Variants in PSMA3 observed in about 807,000 individuals in gnomAD.
PSMA3 encodes the protein proteasome 20S subunit alpha 3.
In PSMA3, 8 loss-of-function variants were observed where a neutral mutation model predicts 40.0. The ratio of observed to expected loss-of-function variants is 0.20; its 90% CI spans 0.12 to 0.36. The LOEUF (loss-of-function observed/expected upper bound fraction) is 0.36. Among genes scored for constraint, PSMA3 ranks in the 10% least tolerant of loss-of-function variants. The pLI, the probability that PSMA3 is intolerant of heterozygous loss-of-function variation, is 1.00. For synonymous variants in PSMA3, 110 were observed against 100.0 expected (o/e 1.10, Z -0.59); for missense variants, 219 against 310.6 (o/e 0.70, Z 2.22).
chr14:58,264,422 T>C (rs1219130624), intron 7 of PSMA3, among the ~76,000 whole-genome samples: 4 of 152,220 alleles, frequency 2.6e-5, no homozygotes, highest in Non-Finnish European at 5.9e-5. Context: ...GAAAAAGTTT[T>C]CTTAAAAACT....
At chr14:58,256,387 A>G (rs1890144905) in intron 3 of PSMA3, among the ~76,000 whole-genome samples, 1 of 152,092 alleles carries the variant, frequency 6.6e-6, no homozygotes, top group South Asian at 2.1e-4. Flanking sequence ...CTGAAAATTC[A>G]AAATCCAAAA....
At chr14:58,271,417 C>CCTCCAGGG (rs1797543227) in intron 10 of PSMA3, among the ~76,000 whole-genome samples, 1 of 146,936 alleles carries the variant, frequency 6.8e-6, no homozygotes, top group Admixed American at 7.0e-5. Flanking sequence ...GCAACCTCTG[C>CCTCCAGGG]CTCCAGGGTT....
chr14:58,258,100 G>A lies in PSMA3; in HGVS notation c.404+102G>A, dbSNP rs1397596195. On this transcript the variant is annotated intron_variant, in intron 5 of 10. Transcript: ENST00000216455. ...TTTACATACTTAAAAATAGAAACTCGTCGATAAGTATTAGGGCAATGATTA... is the reference window on the plus strand; with the variant it reads ...TTTACATACTTAAAAATAGAAACTCATCGATAAGTATTAGGGCAATGATTA... 1.1e-5 allele frequency: 6 copies of A among 542,098 alleles called. No homozygotes were observed. The African/African-American group carries it at 2.1e-4, about 19-fold the overall frequency. The allele number at this position is 542,098 out of a possible 1,614,324, so 33.6% of individuals were successfully genotyped here.
chr14:58,251,833 C>T (rs1890017843), intron 2 of PSMA3, among the ~76,000 whole-genome samples: 1 of 152,054 alleles, frequency 6.6e-6, no homozygotes. Flanking sequence ...TTATCATAAG[C>T]CAGACACTGA....
chr14:58,263,491 C>T (rs1890341461), intron 6 of PSMA3: 5 of 397,454 alleles, frequency 1.3e-5, no homozygotes, highest in South Asian at 1.0e-4. Context: ...TTGGATATAC[C>T]TTTATTAAAA....
intron 2 of PSMA3, among the ~76,000 whole-genome samples, chr14:58,248,838 T>G (rs1314528658): frequency 6.6e-6 from 1 of 151,858 alleles, no homozygotes; most frequent in Non-Finnish European, 1.5e-5. Context: ...ATGGCACACG[T>G]CGTAGTTTCA....
intron 3 of PSMA3, among the ~76,000 whole-genome samples, chr14:58,255,381 A>C (rs1039742619): frequency 6.6e-6 from 1 of 152,166 alleles, no homozygotes; most frequent in Non-Finnish European, 1.5e-5. Flanking sequence ...CTAACAGCCA[A>C]GCTTCTCAAA....
chr14:58,257,904 C>T (rs762791926), intron 4 of PSMA3, 21 bp from the exon 5 acceptor site: 4 of 1,612,524 alleles, frequency 2.5e-6, no homozygotes, highest in South Asian at 1.1e-5. Flanking sequence ...TATTAATAAG[C>T]TCTTCTGCTT....
chr14:58,259,886 G>A (rs1333688719), intron 5 of PSMA3, among the ~76,000 whole-genome samples: 2 of 152,116 alleles, frequency 1.3e-5, no homozygotes, highest in Admixed American at 1.3e-4. Context: ...ACTGATGTAG[G>A]AAGGGGTCCA....
At chr14:58,270,369 T>A (rs1177891458) in intron 8 of PSMA3, 49 bp from the exon 9 acceptor site, 1 of 1,607,364 alleles carries the variant, frequency 6.2e-7, no homozygotes, top group African/African-American at 1.3e-5. Flanking sequence ...GTGAACTACT[T>A]CAATGTTTGG....
intron 2 of PSMA3, among the ~76,000 whole-genome samples, chr14:58,250,717 C>CAATT (rs1889991989): frequency 6.6e-6 from 1 of 152,172 alleles, no homozygotes; most frequent in Non-Finnish European, 1.5e-5. Context: ...GTGAATAACA[C>CAATT]AATTCCCCTG....
intron 4 of PSMA3, 33 bp from the exon 5 acceptor site, chr14:58,257,892 T>C: frequency 6.2e-7 from 1 of 1,612,640 alleles, no homozygotes; most frequent in Non-Finnish European, 8.5e-7. Context: ...GTAATAGAAG[T>C]TTATTAATAA....
intron 3 of PSMA3, 119 bp downstream of exon 3, chr14:58,252,361 G>A (rs979169282): frequency 1.5e-6 from 2 of 1,295,012 alleles, no homozygotes; most frequent in African/African-American, 1.5e-5. Flanking sequence ...CATTTGTCCA[G>A]TTCACTGTCC....
chr14:58,247,589 G>A (rs1889908586), intron 1 of PSMA3, among the ~76,000 whole-genome samples, 161 bp from the exon 2 acceptor site: 1 of 152,162 alleles, frequency 6.6e-6, no homozygotes, highest in African/African-American at 2.4e-5. Flanking sequence ...CTTTATCTTA[G>A]CTACTGTTGC....
intron 5 of PSMA3, among the ~76,000 whole-genome samples, 198 bp from the exon 6 acceptor site, chr14:58,260,750 C>CA (rs751661483): frequency 1.3e-5 from 2 of 152,138 alleles, no homozygotes; most frequent in African/African-American, 2.4e-5. Flanking sequence ...ACTAAACAAA[C>CA]AAAAGCTACA....
intron 3 of PSMA3, among the ~76,000 whole-genome samples, chr14:58,252,924 C>T (rs1174118470): frequency 1.3e-5 from 2 of 150,670 alleles, no homozygotes; most frequent in Non-Finnish European, 3.0e-5. Flanking sequence ...GAGCTCTTTA[C>T]ATAAATTACC....
chr14:58,245,092 C>T, intron 1 of PSMA3, 151 bp downstream of exon 1: 1 of 944,474 alleles, frequency 1.1e-6, no homozygotes. Flanking sequence ...GACCGGTCGT[C>T]TTTATCCCCT....
At chr14:58,249,603 C>T (rs1447914210) in intron 2 of PSMA3, among the ~76,000 whole-genome samples, 2 of 152,146 alleles carry the variant, frequency 1.3e-5, no homozygotes, top group South Asian at 2.1e-4. Flanking sequence ...GACTCGACCT[C>T]CTGGTCTCGA....
chr14:58,251,867 C>T (rs773505695), intron 2 of PSMA3, among the ~76,000 whole-genome samples: 1 of 152,100 alleles, frequency 6.6e-6, no homozygotes, highest in Non-Finnish European at 1.5e-5. Flanking sequence ...TCGTTAGCAT[C>T]ATTTTTATAC....
Sources: gnomAD v4.1 joint callset for allele counts (sites outside exome capture counted in the v4.1 genomes callset) on GRCh38, gnomAD v4.1.1 for gene constraint, MANE v1.5 for transcripts, NCBI Gene and HGNC (gene_info 2026-07-23, HGNC 2026-07-21) for gene names.